Variants in RNF130 observed in about 807,000 individuals in gnomAD.
The protein encoded by RNF130 is E3 ubiquitin-protein ligase RNF130.
In RNF130, 21 loss-of-function variants were observed where a neutral mutation model predicts 44.6. The observed-to-expected ratio is 0.47, with a 90% CI of 0.33 to 0.68. RNF130 has a LOEUF of 0.68. Among genes scored for constraint, RNF130 ranks in the 30% least tolerant of loss-of-function variants. The pLI is 0.02. For synonymous variants in RNF130, 214 were observed against 210.4 expected (o/e 1.02, Z -0.15); for missense variants, 479 against 560.6 (o/e 0.85, Z 1.47).
At chr5:180,004,445 A>T (rs1280735144) in intron 3 of RNF130, among the ~76,000 whole-genome samples, 3 of 152,206 alleles carry the variant, frequency 2.0e-5, no homozygotes, top group Non-Finnish European at 4.4e-5. Context: ...GTCTGAAGTT[A>T]CTAAAAGTAT....
Position 179,927,333 on chromosome 5 carries a change from T to C in RNF130, c.1151-6907A>G, listed in dbSNP as rs72813770. ...CTGGTCAACTAATTATTATCTTTGT[T>C]ATTGGCTACATAATGTTATTAAGTA... On this transcript the variant is annotated intron_variant, in intron 7 of 7. Transcript: ENST00000522208. 5.3e-3 allele frequency among the ~76,000 whole-genome samples: 674 copies of C among 128,162 alleles called. 2 individuals are homozygous for C. The highest frequency in any genetic ancestry group is 0.01 in the South Asian group (33 of 3,200). The allele number at this position is 128,162 out of a possible 152,430, so 84.1% of individuals were successfully genotyped here.
intron 8 of RNF130, among the ~76,000 whole-genome samples, chr5:179,960,944 T>C (rs923996725): frequency 6.6e-6 from 1 of 152,016 alleles, no homozygotes; most frequent in Non-Finnish European, 1.5e-5. Context: ...TAACGAATAA[T>C]TACAAATTTG....
In RNF130 at chr5:179,935,719, G is replaced by A. The variant is rs180773288; in HGVS notation, c.1151-15293C>T. Among the ~76,000 whole-genome samples, 270 of 151,628 alleles carry A rather than the reference G, an allele frequency of 1.8e-3. 4 individuals are homozygous for A. The East Asian group carries it at 0.034, about 19-fold the overall frequency. On this transcript the variant is annotated intron_variant, in intron 7 of 7. Transcript: ENST00000522208. ...TGTTATTACAGTTTTCTCTCTATTA[G>A]TGTATTATATTATTATTTTATAATG...
chr5:179,926,922 CTGCT>C (rs1380814977), intron 7 of RNF130, among the ~76,000 whole-genome samples: 1 of 152,224 alleles, frequency 6.6e-6, no homozygotes, highest in Non-Finnish European at 1.5e-5. Flanking sequence ...TGCCTCAGAA[CTGCT>C]TGCTTACTTC....
intron 4 of RNF130, 116 bp from the exon 5 acceptor site, chr5:179,978,401 G>C: frequency 1.6e-6 from 1 of 633,754 alleles, no homozygotes; most frequent in Non-Finnish European, 2.8e-6. Flanking sequence ...GTTATAAACT[G>C]AAAAATGATT....
chr5:179,945,666 A>C (rs964776735), intron 7 of RNF130, among the ~76,000 whole-genome samples: 11 of 152,100 alleles, frequency 7.2e-5, no homozygotes, highest in African/African-American at 2.7e-4. Flanking sequence ...TTGTGTGTTG[A>C]ATGTATCGGA....
At chr5:179,956,815 T>C (rs155576) in intron 8 of RNF130, among the ~76,000 whole-genome samples, 101,505 of 152,132 alleles carry the variant, frequency 0.67, 34,557 homozygotes, top group Middle Eastern at 0.82. Context: ...CCCTGAGCTC[T>C]GGCGGGGCCA....
chr5:179,941,258 A>G (rs1020026290), intron 7 of RNF130, among the ~76,000 whole-genome samples: 1 of 152,162 alleles, frequency 6.6e-6, no homozygotes, highest in African/African-American at 2.4e-5. Flanking sequence ...AAACAGAGAT[A>G]ATTTGACGTT....
At chr5:179,961,356 C>A (rs1414542739) in intron 8 of RNF130, among the ~76,000 whole-genome samples, 1 of 152,162 alleles carries the variant, frequency 6.6e-6, no homozygotes, top group Non-Finnish European at 1.5e-5. Flanking sequence ...GTGAAATCAA[C>A]CCTCTACAAC....
intron 7 of RNF130, among the ~76,000 whole-genome samples, chr5:179,949,978 A>G (rs1762100689): frequency 6.6e-6 from 1 of 152,194 alleles, no homozygotes; most frequent in African/African-American, 2.4e-5. Flanking sequence ...AGAGTGGAAC[A>G]CTGACCCCAT....
chr5:179,933,398 T>TGTGTGTGTGTGTGTGTGTG (rs1761838867), intron 7 of RNF130, among the ~76,000 whole-genome samples: 1 of 143,400 alleles, frequency 7.0e-6, no homozygotes, highest in Non-Finnish European at 1.5e-5. Context: ...ATAACCCTAT[T>TGTGTGTGTGTGTGTGTGTG]TGTGTGTGTG....
intron 3 of RNF130, among the ~76,000 whole-genome samples, chr5:179,996,463 A>G (rs1763198592): frequency 6.6e-6 from 1 of 152,212 alleles, no homozygotes; most frequent in Non-Finnish European, 1.5e-5. Flanking sequence ...GGTAAGTCAT[A>G]TATGGCCTTT....
At chr5:180,045,139 T>C (rs1016543614) in intron 1 of RNF130, among the ~76,000 whole-genome samples, 1 of 152,068 alleles carries the variant, frequency 6.6e-6, no homozygotes, top group African/African-American at 2.4e-5. Flanking sequence ...ACTATACAAA[T>C]TTAAGAAGGT....
At chr5:179,969,322 T>C (rs1341476784) in intron 6 of RNF130, among the ~76,000 whole-genome samples, 1 of 151,822 alleles carries the variant, frequency 6.6e-6, no homozygotes, top group East Asian at 2.0e-4. Flanking sequence ...ACAGTTCTCC[T>C]TGGGCTCCAG....
intron 7 of RNF130, among the ~76,000 whole-genome samples, chr5:179,937,949 A>T (rs1000130504): frequency 6.6e-5 from 10 of 150,614 alleles, no homozygotes; most frequent in South Asian, 2.1e-4. Flanking sequence ...AGAGAGAGAG[A>T]GAGAGAGAGA....
At chr5:180,035,745 A>T (rs142538573) in intron 2 of RNF130, among the ~76,000 whole-genome samples, 1 of 152,024 alleles carries the variant, frequency 6.6e-6, no homozygotes, top group African/African-American at 2.4e-5. Flanking sequence ...TTTTCCTTCA[A>T]TTGATTCTTC....
At chr5:179,950,878 A>T (rs11959514), downstream of RNF130, among the ~76,000 whole-genome samples, 2,534 of 152,328 alleles carry the variant, frequency 0.017, 71 homozygotes, top group African/African-American at 0.058. Context: ...CCGTTAAATA[A>T]GGAGAGAAGG....
chr5:179,928,636 T>G lies in RNF130; in HGVS notation c.1151-8210A>C, dbSNP rs1359864748. ...GTATTTTTTTAATTGTTGTTGTTTTTTTTTTTTTTTGAGACGGAGTCTCGC... is the reference window on the plus strand; with the variant it reads ...GTATTTTTTTAATTGTTGTTGTTTTGTTTTTTTTTTGAGACGGAGTCTCGC... On this transcript the variant is annotated intron_variant, in intron 7 of 7. Coordinates refer to the RNF130 transcript ENST00000522208. Among the ~76,000 whole-genome samples the G allele has an allele frequency of 1.2e-4, 18 of 151,672 alleles. No homozygotes were observed. The East Asian group carries it at 3.1e-3, about 26-fold the overall frequency.
chr5:180,044,944 G>A (rs1046629140), intron 1 of RNF130, among the ~76,000 whole-genome samples: 29 of 152,200 alleles, frequency 1.9e-4, no homozygotes, highest in African/African-American at 7.0e-4. Flanking sequence ...CTGAAGGAGG[G>A]AGGAGGGCAG....
Sources: gnomAD v4.1 joint callset for allele counts (sites outside exome capture counted in the v4.1 genomes callset) on GRCh38, gnomAD v4.1.1 for gene constraint, MANE v1.5 for transcripts, NCBI Gene and HGNC (gene_info 2026-07-23, HGNC 2026-07-21) for gene names.